Variants in PDE3A observed in about 807,000 individuals in gnomAD.
The protein encoded by PDE3A is phosphodiesterase 3A, also known as cGMP-inhibited 3',5'-cyclic phosphodiesterase 3A.
PDE3A carries 43 observed loss-of-function variants against 98.3 expected under a neutral mutation model. The observed-to-expected ratio is 0.44, with a 90% confidence interval of 0.34 to 0.56. The LOEUF (loss-of-function observed/expected upper bound fraction) is 0.56, where lower values mean the gene tolerates loss of function less well. Ranked by LOEUF, PDE3A falls within the 20% of genes least tolerant of loss-of-function variation. PDE3A has a pLI of 0.01. For synonymous variants in PDE3A, 663 were observed against 567.9 expected (o/e 1.17, Z -2.38); for missense variants, 1,427 against 1,440.7 (o/e 0.99, Z 0.15).
chr12:20,663,671 A>C (rs1945236428), intron 15 of PDE3A, among the ~76,000 whole-genome samples: 1 of 152,210 alleles, frequency 6.6e-6, no homozygotes, highest in Admixed American at 6.5e-5. Flanking sequence ...GTATTTACCC[A>C]GTGCCTGTAC....
chr12:20,561,243 G>A (rs1942511364), intron 2 of PDE3A, among the ~76,000 whole-genome samples: 1 of 151,742 alleles, frequency 6.6e-6, no homozygotes, highest in African/African-American at 2.4e-5. Flanking sequence ...GGGAGAAAGA[G>A]CGAGGCTCTG....
intron 15 of PDE3A, among the ~76,000 whole-genome samples, chr12:20,670,806 A>T (rs1945455150): frequency 7.4e-6 from 1 of 135,114 alleles, no homozygotes; most frequent in Non-Finnish European, 1.5e-5. Flanking sequence ...AGCAAGAGCA[A>T]ACACATTCAA....
At chr12:20,520,652 A>T (rs1268433400) in intron 1 of PDE3A, among the ~76,000 whole-genome samples, 3 of 152,250 alleles carry the variant, frequency 2.0e-5, no homozygotes, top group Non-Finnish European at 4.4e-5. Context: ...ACAACAGATC[A>T]CATTGCCAAA....
chr12:20,398,584 C>T (rs1944063236), intron 1 of PDE3A, among the ~76,000 whole-genome samples: 1 of 151,764 alleles, frequency 6.6e-6, no homozygotes, highest in African/African-American at 2.4e-5. Context: ...ATGATATAGC[C>T]TAATAAGAGA....
intron 1 of PDE3A, among the ~76,000 whole-genome samples, chr12:20,477,018 C>T (rs1945542527): frequency 6.6e-6 from 1 of 152,130 alleles, no homozygotes; most frequent in African/African-American, 2.4e-5. Context: ...TTGTTAACTA[C>T]TAATACTATT....
chr12:20,527,105 G>A (rs1479736059), intron 1 of PDE3A, among the ~76,000 whole-genome samples: 2 of 152,106 alleles, frequency 1.3e-5, no homozygotes, highest in Non-Finnish European at 2.9e-5. Flanking sequence ...TTTTAGTAAA[G>A]AGGGGGTTTC....
At chr12:20,595,147 G>A (rs192871863) in intron 2 of PDE3A, among the ~76,000 whole-genome samples, 80 of 152,242 alleles carry the variant, frequency 5.3e-4, no homozygotes, top group African/African-American at 1.7e-3. Flanking sequence ...AGTGAATTCA[G>A]CAATGTTATA....
chr12:20,579,954 G>C (rs7312778), intron 2 of PDE3A, among the ~76,000 whole-genome samples: 111,552 of 151,990 alleles, frequency 0.73, 41,007 homozygotes, highest in Middle Eastern at 0.79. Context: ...GTCAAGATTT[G>C]ATTAATTCAC....
At chr12:20,471,243 G>A (rs1454737807) in intron 1 of PDE3A, among the ~76,000 whole-genome samples, 1 of 152,098 alleles carries the variant, frequency 6.6e-6, no homozygotes, top group Non-Finnish European at 1.5e-5. Flanking sequence ...TTAGGGTAGA[G>A]CGCAACCAAA....
intron 1 of PDE3A, among the ~76,000 whole-genome samples, chr12:20,456,172 C>T (rs141764981): frequency 2.6e-4 from 39 of 152,140 alleles, no homozygotes; most frequent in African/African-American, 8.2e-4. Flanking sequence ...TATTTTAGAA[C>T]CTTTAGAGAG....
Position 20,626,222 on chromosome 12 carries a change from T to G in PDE3A, c.1541-3686T>G, listed in dbSNP as rs529887469. On this transcript the variant is annotated intron_variant, in intron 5 of 15. Coordinates refer to ENST00000359062, the MANE Select transcript of PDE3A (RefSeq NM_000921.5). The stretch of plus-strand genomic sequence containing the variant: ...GAAATAATTTATTTATAGTTTATCC[T>G]TTCTATAAAGAAAATTTGGTTATTA... Among the ~76,000 whole-genome samples the G allele has an allele frequency of 5.4e-5, 8 of 147,818 alleles. No homozygotes were observed. In the South Asian group the frequency reaches 1.7e-3, roughly 31 times the overall value.
In PDE3A at chr12:20,599,703, CATTT is replaced by C. The variant is rs541464995; in HGVS notation, c.1012-13737_1012-13734del. ...TCATTCCACTGTGTTTACCCTTCAG[CATTT>C]ATGCTGTTCACATGCTCAGTAACTC... On this transcript the variant is annotated intron_variant, in intron 2 of 15. Transcript: ENST00000359062. 3.9e-4 allele frequency among the ~76,000 whole-genome samples: 60 copies of C among 152,296 alleles called. 2 individuals are homozygous for C. In the South Asian group the frequency reaches 0.012, roughly 31 times the overall value.
Position 20,654,223 on chromosome 12 carries a change from G to C in PDE3A, c.3184+18G>C, listed in dbSNP as rs776575760. 1.2e-4 allele frequency: 191 copies of C among 1,610,136 alleles called. No homozygotes were observed. Among genetic ancestry groups the C allele is most frequent in the Middle Eastern group, 1.2e-3 (7 of 6,072 alleles). The stretch of plus-strand genomic sequence containing the variant: ...ATCTCCAAGTAAGTTCTAAAACCTA[G>C]TTCTAATGTGTTTTCCCTGGGATTG... On this transcript the variant is annotated intron_variant, in intron 15 of 15. Transcript: ENST00000359062.
intron 1 of PDE3A, among the ~76,000 whole-genome samples, chr12:20,445,578 A>C (rs1565551686): frequency 6.6e-6 from 1 of 152,182 alleles, no homozygotes; most frequent in East Asian, 1.9e-4. Flanking sequence ...GGGATGCTTT[A>C]TACAGTCATG....
intron 15 of PDE3A, among the ~76,000 whole-genome samples, chr12:20,659,027 C>G (rs1285547516): frequency 6.6e-6 from 1 of 152,128 alleles, no homozygotes; most frequent in Non-Finnish European, 1.5e-5. Context: ...CTTCTTGGCA[C>G]TCTCTCTTAC....
rs758003878 is a variant in PDE3A, at chr12:20,565,145, A to AAAATT, written c.1011+8438_1011+8442dup. ...CAGATAGCTTATAGTACACATTAAG[A>AAAATT]AAATTAATGCAAGTATTTTGCACGT... is the stretch of plus-strand genomic sequence containing the variant. On this transcript the variant is annotated intron_variant, in intron 2 of 15. Transcript: ENST00000359062. Among the ~76,000 whole-genome samples the AAAATT allele has an allele frequency of 1.1e-3, 160 of 152,248 alleles. 1 individual carries two copies. The highest frequency in any genetic ancestry group is 6.8e-3 in the Middle Eastern group (2 of 294).
At chr12:20,571,612 C>G (rs1942803417) in intron 2 of PDE3A, among the ~76,000 whole-genome samples, 1 of 152,104 alleles carries the variant, frequency 6.6e-6, no homozygotes, top group Admixed American at 6.6e-5. Flanking sequence ...AGTATCTTAC[C>G]TCTCTGTCTA....
At chr12:20,511,405 G>C (rs1946219944) in intron 1 of PDE3A, among the ~76,000 whole-genome samples, 1 of 132,096 alleles carries the variant, frequency 7.6e-6, no homozygotes, top group Non-Finnish European at 1.6e-5. Flanking sequence ...CATAAATTAG[G>C]AAGTGCTCAA....
intron 4 of PDE3A, 30 bp from the exon 5 acceptor site, chr12:20,621,266 C>A (rs1402183592): frequency 8.1e-7 from 1 of 1,233,632 alleles, no homozygotes; most frequent in Non-Finnish European, 1.2e-6. Context: ...GTTTAATTTT[C>A]TTTTAATTCT....
Sources: gnomAD v4.1 joint callset for allele counts (sites outside exome capture counted in the v4.1 genomes callset) on GRCh38, gnomAD v4.1.1 for gene constraint, MANE v1.5 for transcripts, NCBI Gene and HGNC (gene_info 2026-07-23, HGNC 2026-07-21) for gene names.